The following SASH1 variants were observed in gnomAD, a reference collection of about 807,000 sequenced individuals.
SASH1 encodes the protein SAM and SH3 domain-containing protein 1.
In SASH1, 44 loss-of-function variants were observed where a neutral mutation model predicts 125.2. The ratio of observed to expected loss-of-function variants is 0.35; its 90% CI spans 0.28 to 0.45. SASH1 has a LOEUF of 0.45. SASH1 is among the 20% of genes least tolerant of loss of function. The pLI is 1.00. For synonymous variants in SASH1, 639 were observed against 649.1 expected (o/e 0.98, Z 0.24); for missense variants, 1,426 against 1,614.5 (o/e 0.88, Z 2.00).
At chr6:148,527,854 A>C (rs1309684514) in intron 12 of SASH1, among the ~76,000 whole-genome samples, 1 of 152,228 alleles carries the variant, frequency 6.6e-6, no homozygotes, top group Non-Finnish European at 1.5e-5. Context: ...AGAGAGACAG[A>C]CATGTAAAGA....
chr6:148,303,827 A>T (rs946101716), intron 1 of SASH1, among the ~76,000 whole-genome samples: 3 of 150,304 alleles, frequency 2.0e-5, no homozygotes, highest in Middle Eastern at 3.4e-3. Flanking sequence ...ATAAATAAAT[A>T]AAATAAAAAT....
the SASH1 span, among the ~76,000 whole-genome samples, chr6:148,202,206 A>G: frequency 6.6e-6 from 1 of 150,540 alleles, no homozygotes; most frequent in South Asian, 2.1e-4. Flanking sequence ...GCTTGTAGGT[A>G]GTAAACCTGC....
Position 148,519,766 on chromosome 6 carries a change from G to C in SASH1, c.1082G>C (p.Gly361Ala). 6.2e-7 allele frequency: 1 copy of C among 1,614,120 alleles called. No homozygotes were observed. The highest frequency in any genetic ancestry group is 8.5e-7 in the Non-Finnish European group (1 of 1,180,030). The change falls in exon 10 of 20, where the codon GGC becomes GCC. Residue 361 changes from glycine (G) to alanine (A), a missense_variant. Physicochemically the swap from Gly to Ala is moderately conservative, Grantham distance 60 (BLOSUM62 0). Around this residue, in one of 3 missense-constraint regions of SASH1, gnomAD observed 567 missense variants for 575.6 expected, o/e 0.99. Transcript: ENST00000367467. The surrounding 1 kb of genome is among the most constrained non-coding windows in gnomAD (Gnocchi z 4.8). ...ACCTTCAGCAAAGGAGAGAGCCGGG[G>C]CCTGATTAAGCCCCCCAAGAAGATG... ...VKTFSKGESRGLIKPPKKMGT... is the reference protein window; with the variant it reads ...VKTFSKGESRALIKPPKKMGT...
chr6:148,368,872 G>T (rs1782596170), intron 1 of SASH1, among the ~76,000 whole-genome samples: 1 of 151,752 alleles, frequency 6.6e-6, no homozygotes, highest in Admixed American at 6.6e-5. Flanking sequence ...GAAGTCAATA[G>T]AAGGCATTTA....
At chr6:148,226,724 C>T in the SASH1 span, among the ~76,000 whole-genome samples, 1 of 152,198 alleles carries the variant, frequency 6.6e-6, no homozygotes, top group Non-Finnish European at 1.5e-5. Flanking sequence ...TGTAAGTACA[C>T]TTATGTCACT....
chr6:148,422,487 G>A (rs528144742), intron 2 of SASH1, among the ~76,000 whole-genome samples: 30 of 152,320 alleles, frequency 2.0e-4, no homozygotes, highest in East Asian at 5.8e-4. Flanking sequence ...TCTGAACAGC[G>A]AGATAAATTT....
Position 148,373,362 on chromosome 6 carries a change from G to A in SASH1, c.157-16772G>A, listed in dbSNP as rs139707542. On this transcript the variant is annotated intron_variant, in intron 1 of 19. Transcript: ENST00000367467. ...GAGAGAGGAGCAAGTTCAAAGGCCT[G>A]GCCAAGGTGGAGTGGCTCTGGTGTG... Among the ~76,000 whole-genome samples the A allele has an allele frequency of 5.7e-4, 87 of 152,262 alleles. No homozygotes were observed. The East Asian group carries it at 0.016, about 28-fold the overall frequency.
In SASH1 at chr6:148,524,121, A is replaced by ATATATATATATATTT. The variant is rs1193506716; in HGVS notation, c.1210-1169_1210-1168insATATATATATATTTT. Among the ~76,000 whole-genome samples, 1,145 of 128,284 alleles carry ATATATATATATATTT rather than the reference A, an allele frequency of 8.9e-3. 10 individuals are homozygous for ATATATATATATATTT. Among genetic ancestry groups the ATATATATATATATTT allele is most frequent in the Middle Eastern group, 0.013 (3 of 228 alleles). 84.2% of individuals were successfully genotyped at this position (128,284 alleles called of 152,430 possible). A position where few individuals can be genotyped will look rare whatever the true frequency, so the allele number is the denominator to read the frequency against. On this transcript the variant is annotated intron_variant, in intron 10 of 19. Coordinates refer to ENST00000367467, the MANE Select transcript of SASH1 (RefSeq NM_015278.5). ...ATTATATATATATATATATATATAT[A>ATATATATATATATTT]TTTTTTTTAATGAATAAGCAATGCT...
the SASH1 span, among the ~76,000 whole-genome samples, chr6:148,245,353 A>G: frequency 1.3e-5 from 2 of 152,224 alleles, no homozygotes; most frequent in African/African-American, 4.8e-5. Context: ...GATACTGTTC[A>G]TCATTATGCT....
chr6:148,450,171 G>C (rs2115038696), intron 4 of SASH1, among the ~76,000 whole-genome samples: 1 of 152,244 alleles, frequency 6.6e-6, no homozygotes, highest in South Asian at 2.1e-4. Flanking sequence ...GTGAACTAAA[G>C]AGCATTCAAG....
At chr6:148,476,542 C>T (rs966568728) in intron 7 of SASH1, among the ~76,000 whole-genome samples, 19 of 152,012 alleles carry the variant, frequency 1.2e-4, no homozygotes, top group Admixed American at 1.2e-3. Context: ...ATTAGCCAGG[C>T]GTGGTGGCAC....
intron 1 of SASH1, among the ~76,000 whole-genome samples, chr6:148,378,053 A>ATTTT (rs11412396): frequency 2.1e-5 from 3 of 140,520 alleles, no homozygotes; most frequent in African/African-American, 7.8e-5. Context: ...GTCACCCACA[A>ATTTT]TTTTTTTTTT....
chr6:148,354,558 T>G (rs1359153709), intron 1 of SASH1, among the ~76,000 whole-genome samples: 2 of 152,162 alleles, frequency 1.3e-5, no homozygotes, highest in Non-Finnish European at 2.9e-5. Flanking sequence ...TTTCTGCAAA[T>G]CACTCATTCT....
At chr6:148,385,611 A>G (rs1361941041) in intron 1 of SASH1, among the ~76,000 whole-genome samples, 3 of 152,086 alleles carry the variant, frequency 2.0e-5, no homozygotes, top group Non-Finnish European at 4.4e-5. Context: ...CCACCTCCCA[A>G]CCTCTGGGGA....
intron 1 of SASH1, among the ~76,000 whole-genome samples, chr6:148,348,189 T>G (rs1024515858): frequency 6.6e-6 from 1 of 152,066 alleles, no homozygotes; most frequent in Non-Finnish European, 1.5e-5. Flanking sequence ...GTATTTTTAG[T>G]AGAGACAGGG....
chr6:148,317,700 C>G (rs1246144380), intron 1 of SASH1, among the ~76,000 whole-genome samples: 1 of 152,212 alleles, frequency 6.6e-6, no homozygotes, highest in Admixed American at 6.5e-5. Context: ...GCTGGGATTA[C>G]AGTCGTGAGC....
At chr6:148,307,218 A>G (rs1780169062) in intron 1 of SASH1, among the ~76,000 whole-genome samples, 1 of 151,864 alleles carries the variant, frequency 6.6e-6, no homozygotes, top group African/African-American at 2.4e-5. Context: ...TCCCAGGTTC[A>G]AGCGATTCTC....
chr6:148,297,006 C>A (rs1400226218), intron 1 of SASH1, among the ~76,000 whole-genome samples: 1 of 152,184 alleles, frequency 6.6e-6, no homozygotes, highest in Non-Finnish European at 1.5e-5. Flanking sequence ...GAAAGAAAGG[C>A]CTTCAGGGAA....
At position 148,342,882 on chromosome 6, in the gene SASH1, A is replaced by G. The variant is rs1781377848; in HGVS notation, c.-186A>G. On this transcript the variant is annotated 5_prime_UTR_variant, in exon 1 of 20. Transcript: ENST00000367467. ...TCAGTCGCGCAGCCCGTGGCCACCT[A>G]GACCCGAGGTGCGGGCGCCTGCGAA... 3.4e-6 allele frequency: 1 copy of G among 290,780 alleles called. No homozygotes were observed. 18.0% of individuals were successfully genotyped at this position (290,780 alleles called of 1,614,324 possible). A position where few individuals can be genotyped will look rare whatever the true frequency, so the allele number is the denominator to read the frequency against.
Sources: gnomAD v4.1 joint callset for allele counts (sites outside exome capture counted in the v4.1 genomes callset) on GRCh38, gnomAD v4.1.1 for gene constraint, gnomAD v4.1.1 regional missense constraint, Gnocchi (gnomAD v3.1) non-coding constraint, MANE v1.5 for transcripts, NCBI Gene and HGNC (gene_info 2026-07-23, HGNC 2026-07-21) for gene names.